CFAP61: variants seen among roughly 807,000 people sequenced by gnomAD.
CFAP61 encodes cilia- and flagella-associated protein 61.
In CFAP61, 107 loss-of-function variants were observed where a neutral mutation model predicts 135.6. The ratio of observed to expected loss-of-function variants is 0.79; its 90% CI spans 0.67 to 0.93. CFAP61 has a LOEUF of 0.93. Ranked by LOEUF, CFAP61 falls within the 40% of genes least tolerant of loss-of-function variation. The probability of loss-of-function intolerance (pLI) is 0.00; values close to 1 mark genes in which losing one functional copy is unlikely to be tolerated. For missense variants in CFAP61, 1,507 were observed against 1,556.2 expected, an observed-to-expected ratio of 0.97 and a Z score of 0.53; for synonymous variants, 575 against 578.5, an observed-to-expected ratio of 0.99 and a Z score of 0.09.
intron 24 of CFAP61, among the ~76,000 whole-genome samples, chr20:20,295,866 C>T (rs2147075522): frequency 6.6e-6 from 1 of 151,282 alleles, no homozygotes; most frequent in Admixed American, 6.6e-5. Context: ...ATGCCTGTGG[C>T]AGGAGCTGAG....
chr20:20,179,163 AAAC>A (rs2054860773), intron 13 of CFAP61, among the ~76,000 whole-genome samples: 1 of 152,224 alleles, frequency 6.6e-6, no homozygotes, highest in Non-Finnish European at 1.5e-5. Context: ...TTAAGCTGAG[AAAC>A]AACTTCAGCA....
At chr20:20,061,473 A>G (rs1339000348) in intron 2 of CFAP61, among the ~76,000 whole-genome samples, 1 of 152,210 alleles carries the variant, frequency 6.6e-6, no homozygotes, top group Admixed American at 6.5e-5. Flanking sequence ...GTATCAGGAA[A>G]AAAGATATGC....
chr20:20,302,097 A>G (rs1192229970), intron 25 of CFAP61, among the ~76,000 whole-genome samples: 3 of 152,188 alleles, frequency 2.0e-5, no homozygotes, highest in South Asian at 2.1e-4. Flanking sequence ...AATGGCTTGC[A>G]CAACTTTTGT....
intron 22 of CFAP61, among the ~76,000 whole-genome samples, chr20:20,285,171 C>T (rs2054490342): frequency 6.6e-6 from 1 of 152,014 alleles, no homozygotes; most frequent in Admixed American, 6.6e-5. Context: ...AAACATTCCT[C>T]TATATGTCAT....
intron 25 of CFAP61, among the ~76,000 whole-genome samples, chr20:20,315,894 T>C (rs550686689): frequency 2.0e-5 from 3 of 152,316 alleles, no homozygotes; most frequent in African/African-American, 7.2e-5. Flanking sequence ...TCCATTGATC[T>C]GGATCTCTGT....
rs58037515 is a variant in CFAP61, at chr20:20,301,602, A to G, written c.3422+3216A>G. Among the ~76,000 whole-genome samples, 644 of 152,284 alleles carry G rather than the reference A, an allele frequency of 4.2e-3. 7 individuals are homozygous for G. Among genetic ancestry groups the G allele is most frequent in the African/African-American group, 0.015 (604 of 41,548 alleles). ...ACAAAGGTATCCTCCTAGGGCTTTA[A>G]TGTGCTTTTCCCCACTTAATGATGC... On this transcript the variant is annotated intron_variant, in intron 25 of 26. Transcript: ENST00000245957.
chr20:20,309,662 AGTT>A, intron 25 of CFAP61, among the ~76,000 whole-genome samples: 2 of 152,312 alleles, frequency 1.3e-5, no homozygotes, highest in South Asian at 2.1e-4. Context: ...TAGTAAAAGC[AGTT>A]GTTGTGTTTG....
At position 20,070,892 on chromosome 20, in the gene CFAP61, A is replaced by C; in HGVS notation, c.182A>C (p.Lys61Thr). Residue 61 changes from lysine to threonine, a missense_variant, in exon 3 of 27, where the codon AAG becomes ACG. Physicochemically the swap from Lys to Thr is moderately conservative, Grantham distance 78 (BLOSUM62 -1). Coordinates refer to ENST00000245957, the MANE Select transcript of CFAP61 (RefSeq NM_015585.4). ...ANLAVTLCND[K>T]EEIMAQATFL... ...CTTGCTGTTACCCTCTGCAATGACAAGGAGGAGATCATGGCCCAGGCCACC... is the reference window on the plus strand; with the variant it reads ...CTTGCTGTTACCCTCTGCAATGACACGGAGGAGATCATGGCCCAGGCCACC... 1 of 1,614,076 alleles carries C rather than the reference A, an allele frequency of 6.2e-7. No individual in the cohort carries two copies. The highest frequency in any genetic ancestry group is 1.1e-5 in the South Asian group (1 of 91,080).
rs78509486 is a variant in CFAP61 at position 20,099,480 on chromosome 20, A to G, written c.859+666A>G. On this transcript the variant is annotated intron_variant, in intron 8 of 26. Transcript: ENST00000245957. ...ACATATTTGGGTTCTTACAGAAGAC[A>G]GATGCAGACAGGCAAGTTACCATGG... Among the ~76,000 whole-genome samples the G allele has an allele frequency of 6.5e-3, 995 of 152,300 alleles. 28 individuals carry two copies. The East Asian group carries it at 0.083, about 13-fold the overall frequency.
chr20:20,233,371 C>T (rs139669147), intron 18 of CFAP61, among the ~76,000 whole-genome samples: 8 of 152,306 alleles, frequency 5.3e-5, no homozygotes, highest in Non-Finnish European at 8.8e-5. Context: ...TGCACGTGTG[C>T]GCCTCGCAAT....
intron 25 of CFAP61, among the ~76,000 whole-genome samples, chr20:20,308,835 T>A (rs1202976666): frequency 2.0e-5 from 3 of 152,216 alleles, no homozygotes; most frequent in Non-Finnish European, 2.9e-5. Flanking sequence ...TCCATTTCAT[T>A]ACATACCCAT....
intron 13 of CFAP61, among the ~76,000 whole-genome samples, chr20:20,186,845 C>T (rs1349099737): frequency 6.6e-6 from 1 of 152,160 alleles, no homozygotes; most frequent in African/African-American, 2.4e-5. Context: ...ATGGCATTGT[C>T]CCATTGAGTA....
chr20:20,192,154 T>TC (rs1295178711), intron 15 of CFAP61, among the ~76,000 whole-genome samples: 1 of 152,154 alleles, frequency 6.6e-6, no homozygotes, highest in Non-Finnish European at 1.5e-5. Context: ...TTAGGGAGAA[T>TC]TGACATTAAA....
chr20:20,296,366 T>TC (rs2055582731), intron 24 of CFAP61, among the ~76,000 whole-genome samples: 1 of 101,012 alleles, frequency 9.9e-6, no homozygotes, highest in Non-Finnish European at 2.1e-5. Context: ...TTTCCTTTCT[T>TC]CATCCCTCCT....
chr20:20,177,879 G>A (rs1462292343), intron 13 of CFAP61, among the ~76,000 whole-genome samples: 2 of 151,910 alleles, frequency 1.3e-5, no homozygotes, highest in Non-Finnish European at 2.9e-5. Flanking sequence ...GTGAGGAGGA[G>A]CCACTTGGGC....
At chr20:20,251,011 T>C (rs1455811942) in intron 19 of CFAP61, among the ~76,000 whole-genome samples, 1 of 152,232 alleles carries the variant, frequency 6.6e-6, no homozygotes, top group Non-Finnish European at 1.5e-5. Context: ...CCAGGGAGTG[T>C]ACTTGCTGCG....
intron 8 of CFAP61, among the ~76,000 whole-genome samples, chr20:20,112,505 A>G (rs1006199282): frequency 2.0e-5 from 3 of 151,796 alleles, no homozygotes; most frequent in Admixed American, 1.3e-4. Flanking sequence ...TCTTTTTTTA[A>G]TAAGGTAAAA....
At chr20:20,147,462 A>G (rs2051990255) in intron 9 of CFAP61, among the ~76,000 whole-genome samples, 1 of 152,290 alleles carries the variant, frequency 6.6e-6, no homozygotes, top group East Asian at 1.9e-4. Flanking sequence ...GTGGTATTTC[A>G]TTGTGGTTTT....
At chr20:20,053,710 A>G (rs1462006854) in intron 1 of CFAP61, among the ~76,000 whole-genome samples, 3 of 152,246 alleles carry the variant, frequency 2.0e-5, no homozygotes, top group Non-Finnish European at 2.9e-5. Context: ...CTCTTTATTA[A>G]CCATATTATT....
Sources: gnomAD v4.1 joint callset for allele counts (sites outside exome capture counted in the v4.1 genomes callset) on GRCh38, gnomAD v4.1.1 for gene constraint, MANE v1.5 for transcripts, NCBI Gene and HGNC (gene_info 2026-07-23, HGNC 2026-07-21) for gene names.